Variants in HS3ST4 observed in about 807,000 individuals in gnomAD.
HS3ST4 encodes the protein heparan sulfate glucosamine 3-O-sulfotransferase 4.
A neutral mutation model predicts 29.2 loss-of-function variants in HS3ST4; 17 were observed. That is an observed-to-expected ratio of 0.58 (90% CI 0.40 to 0.87). The LOEUF (loss-of-function observed/expected upper bound fraction) is 0.87. HS3ST4 is among the 40% of genes least tolerant of loss of function. The pLI is 0.00. For synonymous variants in HS3ST4, 314 were observed against 285.7 expected, an observed-to-expected ratio of 1.10 and a Z score of -1.00; for missense variants, 627 against 634.5, an observed-to-expected ratio of 0.99 and a Z score of 0.13.
intron 1 of HS3ST4, among the ~76,000 whole-genome samples, chr16:26,101,809 A>C (rs1469197280): frequency 6.6e-6 from 1 of 152,074 alleles, no homozygotes; most frequent in South Asian, 2.1e-4. Context: ...TTCCTTTTAA[A>C]TTTCCTTTAA....
In HS3ST4 at chr16:26,065,631, C is replaced by T. The variant is rs1024607603; in HGVS notation, c.735-69981C>T. Among the ~76,000 whole-genome samples the T allele has an allele frequency of 2.7e-5, 4 of 149,076 alleles. No homozygotes were observed. In the South Asian group the frequency reaches 6.3e-4, roughly 24 times the overall value. ...TGTACCCCTGAACTCAAAATAAAAG[C>T]GAAAAAAAAAGATAAAAATAAAATA... On this transcript the variant is annotated intron_variant, in intron 1 of 1. Transcript: ENST00000331351.
At chr16:25,741,819 G>T (rs1193179982) in intron 1 of HS3ST4, among the ~76,000 whole-genome samples, 1 of 152,078 alleles carries the variant, frequency 6.6e-6, no homozygotes, top group Non-Finnish European at 1.5e-5. Flanking sequence ...AGGCTCAGAG[G>T]GATGGAGTCA....
intron 1 of HS3ST4, among the ~76,000 whole-genome samples, chr16:25,898,414 A>G (rs902420303): frequency 2.6e-5 from 4 of 152,144 alleles, no homozygotes; most frequent in African/African-American, 7.2e-5. Context: ...CTGCCTTCCC[A>G]TACACTGGAT....
At chr16:25,722,579 T>C (rs1966505267) in intron 1 of HS3ST4, among the ~76,000 whole-genome samples, 1 of 152,198 alleles carries the variant, frequency 6.6e-6, no homozygotes, top group Non-Finnish European at 1.5e-5. Flanking sequence ...TCACAATATT[T>C]TAACAGGCTA....
At chr16:26,021,958 A>G (rs930365201) in intron 1 of HS3ST4, among the ~76,000 whole-genome samples, 1 of 151,796 alleles carries the variant, frequency 6.6e-6, no homozygotes, top group East Asian at 1.9e-4. Flanking sequence ...CATCACACCC[A>G]GCCTACTATT....
intron 1 of HS3ST4, among the ~76,000 whole-genome samples, chr16:26,043,841 C>T (rs1057153699): frequency 6.6e-6 from 1 of 152,194 alleles, no homozygotes; most frequent in Non-Finnish European, 1.5e-5. Context: ...GTGCCATTCG[C>T]CCTCCCAAGT....
intron 1 of HS3ST4, among the ~76,000 whole-genome samples, chr16:25,801,669 A>G (rs1484924647): frequency 6.6e-6 from 1 of 152,206 alleles, no homozygotes; most frequent in Non-Finnish European, 1.5e-5. Context: ...GTGATGTTAC[A>G]CATTTTAAAT....
chr16:25,762,224 A>G (rs1966792780), intron 1 of HS3ST4, among the ~76,000 whole-genome samples: 1 of 152,196 alleles, frequency 6.6e-6, no homozygotes, highest in African/African-American at 2.4e-5. Flanking sequence ...TGTTTAAGCC[A>G]ACAGAGTCTA....
chr16:25,915,319 G>A (rs1968281913), intron 1 of HS3ST4, among the ~76,000 whole-genome samples: 1 of 152,208 alleles, frequency 6.6e-6, no homozygotes, highest in African/African-American at 2.4e-5. Flanking sequence ...CAGCAGCGAG[G>A]AGAGAATCTT....
intron 1 of HS3ST4, among the ~76,000 whole-genome samples, chr16:26,129,996 T>C (rs540442660): frequency 6.6e-6 from 1 of 152,332 alleles, no homozygotes; most frequent in Admixed American, 6.5e-5. Context: ...ATCGCACCAC[T>C]GCATTCCAGT....
intron 1 of HS3ST4, among the ~76,000 whole-genome samples, chr16:25,899,941 A>G (rs1968106065): frequency 6.6e-6 from 1 of 152,220 alleles, no homozygotes; most frequent in Admixed American, 6.5e-5. Flanking sequence ...CACACATCCC[A>G]TTAGGAAATC....
At chr16:25,853,075 G>A (rs929959913) in intron 1 of HS3ST4, among the ~76,000 whole-genome samples, 3 of 151,984 alleles carry the variant, frequency 2.0e-5, no homozygotes, top group Non-Finnish European at 4.4e-5. Flanking sequence ...TTTCCCCAGC[G>A]TTATTATCAA....
At chr16:26,046,597 AC>A (rs770873522) in intron 1 of HS3ST4, among the ~76,000 whole-genome samples, 24 of 152,036 alleles carry the variant, frequency 1.6e-4, no homozygotes, top group Non-Finnish European at 3.1e-4. Flanking sequence ...GATATTCACC[AC>A]CCTGAATCAG....
intron 1 of HS3ST4, among the ~76,000 whole-genome samples, chr16:25,977,666 A>G (rs1359564128): frequency 2.2e-4 from 34 of 152,212 alleles, no homozygotes; most frequent in Admixed American, 2.2e-3. Context: ...CACTACAGCA[A>G]GTTGGTGGTT....
At chr16:25,806,755 T>G (rs1297454434) in intron 1 of HS3ST4, among the ~76,000 whole-genome samples, 1 of 152,158 alleles carries the variant, frequency 6.6e-6, no homozygotes, top group Non-Finnish European at 1.5e-5. Context: ...ATCAGGATAT[T>G]GGCATAGATA....
intron 1 of HS3ST4, among the ~76,000 whole-genome samples, chr16:26,036,785 TC>T (rs1341150406): frequency 6.6e-6 from 1 of 152,194 alleles, no homozygotes; most frequent in Non-Finnish European, 1.5e-5. Context: ...TTGGAGGGTT[TC>T]TTTGCTGCAG....
intron 1 of HS3ST4, among the ~76,000 whole-genome samples, chr16:25,876,367 A>G (rs1967833493): frequency 6.6e-6 from 1 of 152,166 alleles, no homozygotes; most frequent in Non-Finnish European, 1.5e-5. Context: ...GATTCAGGGC[A>G]TAAATAATGC....
chr16:25,695,463 C>G (rs1966288257), intron 1 of HS3ST4, among the ~76,000 whole-genome samples: 1 of 152,224 alleles, frequency 6.6e-6, no homozygotes, highest in Non-Finnish European at 1.5e-5. Context: ...GGACCACTCT[C>G]CAGCCTTACC....
chr16:25,795,770 AGG>A (rs1179988990), intron 1 of HS3ST4, among the ~76,000 whole-genome samples: 1 of 152,150 alleles, frequency 6.6e-6, no homozygotes, highest in Non-Finnish European at 1.5e-5. Flanking sequence ...AGCTGATTTG[AGG>A]GTGAGTTGCA....
Sources: gnomAD v4.1 joint callset for allele counts (sites outside exome capture counted in the v4.1 genomes callset) on GRCh38, gnomAD v4.1.1 for gene constraint, MANE v1.5 for transcripts, NCBI Gene and HGNC (gene_info 2026-07-23, HGNC 2026-07-21) for gene names.